Variants in GCC2 observed in about 807,000 individuals in gnomAD.
GCC2 encodes the protein GRIP and coiled-coil domain-containing protein 2.
Under a neutral mutation model 210.6 loss-of-function variants are expected in GCC2, and 120 were observed. That is an observed-to-expected ratio of 0.57 (90% CI 0.49 to 0.66). GCC2 has a LOEUF of 0.66. Among genes scored for constraint, GCC2 ranks in the 30% least tolerant of loss-of-function variants. The probability of loss-of-function intolerance (pLI) is 0.00; values close to 1 mark genes in which losing one functional copy is unlikely to be tolerated. For missense variants in GCC2, 1,868 were observed against 1,871.9 expected (o/e 1.00, Z 0.04); for synonymous variants, 703 against 652.7 (o/e 1.08, Z -1.17).
At position 108,470,970 on chromosome 2, in the gene GCC2, A is replaced by C; in HGVS notation, c.1641A>C (p.Leu547Phe). 1 of 1,613,190 alleles carries C rather than the reference A, an allele frequency of 6.2e-7. No individual in the cohort carries two copies. Among genetic ancestry groups the C allele is most frequent in the Non-Finnish European group, 8.5e-7 (1 of 1,179,418 alleles). ...GCCTCCAGGGAGAAAATGAAAAGTT[A>C]CTATCTCAACAAGAATTGGTACCAG... ...VNRLQGENEK[L>F]LSQQELVPEL... The change falls in exon 6 of 23, where the codon TTA becomes TTC. Residue 547 changes from leucine (L) to phenylalanine (F), a missense_variant. Physicochemically the swap from Leu to Phe is conservative, Grantham distance 22 (BLOSUM62 0). Transcript: ENST00000309863.
chr2:108,506,098 CTT>C (rs1202157253), intron 22 of GCC2, among the ~76,000 whole-genome samples: 1 of 152,092 alleles, frequency 6.6e-6, no homozygotes, highest in Non-Finnish European at 1.5e-5. Context: ...AAACCAGTGA[CTT>C]ATGCACTTTA....
intron 9 of GCC2, among the ~76,000 whole-genome samples, chr2:108,480,409 C>G (rs1011027750): frequency 6.6e-6 from 1 of 152,052 alleles, no homozygotes; most frequent in Non-Finnish European, 1.5e-5. Context: ...GGTATATACC[C>G]AAAGGAATGT....
At chr2:108,454,499 G>A (rs765301572) in intron 4 of GCC2, among the ~76,000 whole-genome samples, 2 of 152,290 alleles carry the variant, frequency 1.3e-5, no homozygotes, top group African/African-American at 2.4e-5. Context: ...TTTCATTTAA[G>A]TATTACTGAG....
rs1192247419 is a variant in GCC2 at position 108,507,826 on chromosome 2, G to A, written c.*196G>A. On this transcript the variant is annotated 3_prime_UTR_variant, in exon 23 of 23. Coordinates refer to ENST00000309863, the MANE Select transcript of GCC2 (RefSeq NM_181453.4). Reference sequence around the variant, plus strand: ...ACAACAGCTTGAAGTGTTGATAGCAGGCCACAGCCCTCTAACTCATGTGAT... The same window carrying A: ...ACAACAGCTTGAAGTGTTGATAGCAAGCCACAGCCCTCTAACTCATGTGAT... 2 of 474,798 alleles carry A rather than the reference G, an allele frequency of 4.2e-6. No homozygotes were observed. The highest frequency in any genetic ancestry group is 7.8e-6 in the Non-Finnish European group (2 of 257,530). 29.4% of individuals were successfully genotyped at this position (474,798 alleles called of 1,614,324 possible).
At chr2:108,482,725 G>A in intron 11 of GCC2, among the ~76,000 whole-genome samples, 1 of 152,158 alleles carries the variant, frequency 6.6e-6, no homozygotes, top group East Asian at 1.9e-4. Context: ...TGCCCAGGCT[G>A]GAGTGCAGTG....
At chr2:108,479,997 AAAAAAAAAAAAACG>A in intron 9 of GCC2, among the ~76,000 whole-genome samples, 1 of 44,998 alleles carries the variant, frequency 2.2e-5, no homozygotes, top group Non-Finnish European at 5.4e-5. Flanking sequence ...AAAAAAAAAA[AAAAAAAAAAAAACG>A]AAAAACCCCA....
chr2:108,470,549 A>G lies in GCC2; in HGVS notation c.1220A>G (p.Glu407Gly). 1.2e-6 allele frequency: 2 copies of G among 1,607,526 alleles called. No individual in the cohort carries two copies. Among genetic ancestry groups the G allele is most frequent in the Non-Finnish European group, 1.7e-6 (2 of 1,177,572 alleles). The stretch of plus-strand genomic sequence containing the variant: ...TGTGTAATTGAAAAATTAAAATCTG[A>G]GCTAGCAGGTTTAAATAAACAGTTT... ...QGCVIEKLKS[E>G]LAGLNKQFCY... is the part of the protein sequence containing the mutation. Residue 407 changes from glutamate to glycine, a missense_variant, in exon 6 of 23, where the codon GAG (glutamate) becomes GGG (glycine). Around this residue, in one of 3 missense-constraint regions of GCC2, gnomAD observed 1,847 missense variants for 1,765.2 expected, o/e 1.05. Transcript: ENST00000309863.
Position 108,470,760 on chromosome 2 carries a change from T to G in GCC2, c.1431T>G (p.Ile477Met), listed in dbSNP as rs1237970379. ...TACAGCAAGAAAAGCAAGAAGCAAT[T>G]TTAAATTATGAGAGTTTACGAGAGA... ...ENLQQEKQEA[I>M]LNYESLREIM... Residue 477 changes from isoleucine to methionine, a missense_variant, in exon 6 of 23, where the codon ATT (isoleucine) becomes ATG (methionine). This residue lies in a region of GCC2 where 1,847 missense variants were observed against 1,765.2 expected (regional missense o/e 1.05). Coordinates refer to ENST00000309863, the MANE Select transcript of GCC2 (RefSeq NM_181453.4). 6.2e-7 allele frequency: 1 copy of G among 1,613,346 alleles called. No individual in the cohort carries two copies. Among genetic ancestry groups the G allele is most frequent in the East Asian group, 2.2e-5 (1 of 44,886 alleles).
At chr2:108,454,791 T>C (rs1283384776) in intron 4 of GCC2, among the ~76,000 whole-genome samples, 2 of 152,182 alleles carry the variant, frequency 1.3e-5, no homozygotes, top group African/African-American at 2.4e-5. Context: ...AAATGTAGGA[T>C]TGATAAGGTA....
chr2:108,449,517 C>G, intron 1 of GCC2, 116 bp from the exon 2 acceptor site: 1 of 1,253,590 alleles, frequency 8.0e-7, no homozygotes, highest in Non-Finnish European at 1.1e-6. Flanking sequence ...CTCTGTCTCA[C>G]GAGGCTTTCC....
At chr2:108,505,879 G>C (rs62148107) in intron 22 of GCC2, among the ~76,000 whole-genome samples, 58,274 of 151,946 alleles carry the variant, frequency 0.38, 12,692 homozygotes, top group East Asian at 0.89. Context: ...AGACAGAACA[G>C]AAAAATAAAA....
Position 108,495,456 on chromosome 2 carries a change from A to G in GCC2, c.4613A>G (p.Gln1538Arg). Residue 1538 changes from glutamine (Q) to arginine (R), a missense_variant, in exon 20 of 23, where the codon CAG becomes CGG. Gln to Arg is a conservative substitution (Grantham distance 43). This residue lies in a region of GCC2 where 1,847 missense variants were observed against 1,765.2 expected (regional missense o/e 1.05). Coordinates refer to ENST00000309863, the MANE Select transcript of GCC2 (RefSeq NM_181453.4). Reference sequence around the variant, plus strand: ...AGCACATACACACAGTCTTTAGAGCAGCTGCTTAACTCTCCCGAAACTAAA... The same window carrying G: ...AGCACATACACACAGTCTTTAGAGCGGCTGCTTAACTCTCCCGAAACTAAA... The part of the protein sequence containing the change: ...SASTYTQSLE[Q>R]LLNSPETKLE... The G allele has an allele frequency of 1.3e-6, 2 of 1,593,398 alleles. No individual in the cohort carries two copies. Among genetic ancestry groups the G allele is most frequent in the Non-Finnish European group, 1.7e-6 (2 of 1,178,572 alleles).
intron 4 of GCC2, among the ~76,000 whole-genome samples, chr2:108,464,643 G>T (rs2577610): frequency 0.22 from 33,292 of 152,024 alleles, 4,013 homozygotes; most frequent in African/African-American, 0.31. Flanking sequence ...CAACTGTAGC[G>T]GAGCAGGCTG....
intron 9 of GCC2, among the ~76,000 whole-genome samples, chr2:108,481,326 G>A (rs1055760207): frequency 5.3e-5 from 8 of 152,140 alleles, no homozygotes; most frequent in Non-Finnish European, 1.2e-4. Flanking sequence ...GTGGAGTTAG[G>A]TATCCAGGTT....
At chr2:108,458,931 C>T (rs1680406958) in intron 4 of GCC2, among the ~76,000 whole-genome samples, 1 of 152,060 alleles carries the variant, frequency 6.6e-6, no homozygotes, top group Non-Finnish European at 1.5e-5. Flanking sequence ...CTGCTTTGAT[C>T]TTTATTAGTC....
intron 22 of GCC2, among the ~76,000 whole-genome samples, chr2:108,500,698 T>C (rs1438173858): frequency 6.6e-6 from 1 of 152,234 alleles, no homozygotes; most frequent in Non-Finnish European, 1.5e-5. Context: ...AAATTACTTT[T>C]ATTTTTGACA....
chr2:108,449,767 G>A (rs530811677), intron 2 of GCC2, 78 bp downstream of exon 2: 1 of 1,127,568 alleles, frequency 8.9e-7, no homozygotes, highest in Non-Finnish European at 1.3e-6. Flanking sequence ...ATGGGGAAGG[G>A]GGGGGCGCTG....
At chr2:108,459,348 G>C (rs1461162724) in intron 4 of GCC2, among the ~76,000 whole-genome samples, 1 of 152,112 alleles carries the variant, frequency 6.6e-6, no homozygotes, top group East Asian at 1.9e-4. Flanking sequence ...GAACATACTT[G>C]ATATGATTTT....
chr2:108,461,830 C>CTTTTTTTTTTTTTTTTT lies in GCC2; in HGVS notation c.217-7145_217-7144insTTTTTTTTTTTTTTTTT, dbSNP rs1313525353. 6.1e-4 allele frequency among the ~76,000 whole-genome samples: 76 copies of CTTTTTTTTTTTTTTTTT among 124,102 alleles called. 2 individuals are homozygous for CTTTTTTTTTTTTTTTTT. Among genetic ancestry groups the CTTTTTTTTTTTTTTTTT allele is most frequent in the African/African-American group, 1.0e-3 (33 of 31,828 alleles). The allele number at this position is 124,102 out of a possible 152,430, so 81.4% of individuals were successfully genotyped here. Reference sequence around the variant, plus strand: ...CTAAATAGGTTTTCTTTTTTTTTTTCTTTTTCTTTTTTTTTTTTTTTGAGA... The same window carrying CTTTTTTTTTTTTTTTTT: ...CTAAATAGGTTTTCTTTTTTTTTTTCTTTTTTTTTTTTTTTTTTTTTTCTTTTTTTTTTTTTTTGAGA... On this transcript the variant is annotated intron_variant, in intron 4 of 22. Transcript: ENST00000309863.
Sources: gnomAD v4.1 joint callset for allele counts (sites outside exome capture counted in the v4.1 genomes callset) on GRCh38, gnomAD v4.1.1 for gene constraint, gnomAD v4.1.1 regional missense constraint, MANE v1.5 for transcripts, NCBI Gene and HGNC (gene_info 2026-07-23, HGNC 2026-07-21) for gene names.